The following MFGE8 variants were observed in gnomAD, a reference collection of about 807,000 sequenced individuals.
The protein encoded by MFGE8 is milk fat globule EGF and factor V/VIII domain containing.
MFGE8 carries 34 observed loss-of-function variants against 42.6 expected under a neutral mutation model. The observed-to-expected ratio is 0.80, with a 90% CI of 0.61 to 1.06. The LOEUF is 1.06. Ranked by LOEUF, MFGE8 falls within the 50% of genes least tolerant of loss-of-function variation. The pLI, the probability that MFGE8 is intolerant of heterozygous loss-of-function variation, is 0.00. For synonymous variants in MFGE8, 230 were observed against 214.8 expected, an observed-to-expected ratio of 1.07 and a Z score of -0.62; for missense variants, 510 against 516.9, an observed-to-expected ratio of 0.99 and a Z score of 0.13.
intron 3 of MFGE8, 141 bp downstream of exon 3, chr15:88,907,054 T>TA (rs1898715641): frequency 7.9e-6 from 9 of 1,137,460 alleles, no homozygotes; most frequent in Admixed American, 2.0e-5. Flanking sequence ...GCCATCCACT[T>TA]ACAGATACTT....
chr15:88,912,438 T>C (rs1899008733), intron 1 of MFGE8: 1 of 985,332 alleles, frequency 1.0e-6, no homozygotes, highest in Admixed American at 6.1e-5. Context: ...CTTGCTTCAG[T>C]CAATCCCATT....
intron 6 of MFGE8, among the ~76,000 whole-genome samples, chr15:88,901,073 T>TCA (rs1555460911): frequency 1.1e-4 from 7 of 64,032 alleles, no homozygotes; most frequent in African/African-American, 4.8e-5. Flanking sequence ...ACATACACAT[T>TCA]CACATACACA....
At chr15:88,909,638 C>G (rs1466915911) in intron 2 of MFGE8, among the ~76,000 whole-genome samples, 154 bp downstream of exon 2, 1 of 152,212 alleles carries the variant, frequency 6.6e-6, no homozygotes, top group Non-Finnish European at 1.5e-5. Flanking sequence ...GAGGCTCTGT[C>G]TCTCTCTCTG....
rs543530343 is a variant in MFGE8, at chr15:88,900,690, C to G, written c.870+861G>C. 5 of 984,588 alleles carry G rather than the reference C, an allele frequency of 5.1e-6. No homozygotes were observed. The South Asian group carries it at 2.3e-4, about 46-fold the overall frequency. 61.0% of individuals were successfully genotyped at this position (984,588 alleles called of 1,614,324 possible). On this transcript the variant is annotated intron_variant, in intron 6 of 7. Coordinates refer to ENST00000268150, the MANE Select transcript of MFGE8 (RefSeq NM_005928.4). ...AGCAGGTGGGTACTAGGCAGATCAT[C>G]GTCCTGCCAGCTCTCGGCTTCCTCA...
rs1898711754 is a variant in MFGE8 at position 88,906,971 on chromosome 15, C to A, written c.388-193G>T. ...CCAGGCCTCCAGAGGCCTCATCCAGCACCAACAGCTCCTCCACAGCCTGGG... is the reference window on the plus strand; with the variant it reads ...CCAGGCCTCCAGAGGCCTCATCCAGAACCAACAGCTCCTCCACAGCCTGGG... On this transcript the variant is annotated intron_variant, in intron 3 of 7. Coordinates refer to ENST00000268150, the MANE Select transcript of MFGE8 (RefSeq NM_005928.4). This position sits in a 1 kb window ranked among gnomAD's most constrained non-coding sequence, Gnocchi z 4.2. Among the ~76,000 whole-genome samples the A allele has an allele frequency of 1.3e-5, 2 of 152,312 alleles. No homozygotes were observed. The highest frequency in any genetic ancestry group is 3.9e-4 in the East Asian group (2 of 5,170).
chr15:88,907,398 T>G (rs751413243), intron 2 of MFGE8, 22 bp from the exon 3 acceptor site: 1 of 1,612,930 alleles, frequency 6.2e-7, no homozygotes, highest in Non-Finnish European at 8.5e-7. Flanking sequence ...GAGGTGGCAG[T>G]CAGGTGGCTA....
chr15:88,901,365 T>C (rs142661942), intron 6 of MFGE8, among the ~76,000 whole-genome samples, 186 bp downstream of exon 6: 33 of 151,998 alleles, frequency 2.2e-4, no homozygotes, highest in African/African-American at 7.5e-4. Flanking sequence ...TCCACCTTGG[T>C]GGAAGCAGGA....
intron 6 of MFGE8, 103 bp downstream of exon 6, chr15:88,901,448 T>TG (rs1308790907): frequency 3.4e-6 from 4 of 1,161,150 alleles, no homozygotes; most frequent in Non-Finnish European, 5.0e-6. Context: ...AGAACTCTTT[T>TG]GGGGAGCAGA....
Position 88,913,203 on chromosome 15 carries a change from CGG to C in MFGE8, c.73+42_73+43del, listed in dbSNP as rs1301176234. ...GCGCCGGGCAAACTTCCGAGCGGCG[CGG>C]GGAGGAGGGGCGAGGGGCAGAGGGC... is the stretch of plus-strand genomic sequence containing the variant. On this transcript the variant is annotated intron_variant, in intron 1 of 7. Coordinates refer to ENST00000268150, the MANE Select transcript of MFGE8 (RefSeq NM_005928.4). 9 of 1,483,244 alleles carry C rather than the reference CGG, an allele frequency of 6.1e-6. No individual in the cohort carries two copies. The East Asian group carries it at 2.6e-4, about 42-fold the overall frequency. 91.9% of individuals were successfully genotyped at this position (1,483,244 alleles called of 1,614,324 possible). A position where few individuals can be genotyped will look rare whatever the true frequency, so the allele number is the denominator to read the frequency against.
chr15:88,907,811 C>A (rs904586800), intron 2 of MFGE8, among the ~76,000 whole-genome samples: 14 of 152,108 alleles, frequency 9.2e-5, no homozygotes, highest in African/African-American at 3.1e-4. Flanking sequence ...CGGTGTGACC[C>A]CCTCTTCCTC....
Position 88,905,980 on chromosome 15 carries a change from T to A in MFGE8, c.541-79A>T. On this transcript the variant is annotated intron_variant, in intron 4 of 7. Transcript: ENST00000268150. The surrounding 1 kb of genome is among the most constrained non-coding windows in gnomAD (Gnocchi z 6.6). ...CCCTGGGGTTACCTCATCTTCCTCT[T>A]CAGACCTGGGAGGCAGAGGTGGGGC... The A allele has an allele frequency of 1.3e-6, 2 of 1,548,498 alleles. No homozygotes were observed. The highest frequency in any genetic ancestry group is 2.3e-5 in the East Asian group (1 of 44,440).
chr15:88,908,832 G>T (rs560230470), intron 2 of MFGE8, among the ~76,000 whole-genome samples: 4 of 152,160 alleles, frequency 2.6e-5, no homozygotes, highest in Non-Finnish European at 2.9e-5. Context: ...GAGGTAAAAG[G>T]CATCCTACTC....
At position 88,912,214 on chromosome 15, in the gene MFGE8, C is replaced by T; in HGVS notation, c.73+1033G>A. 6 of 1,289,798 alleles carry T rather than the reference C, an allele frequency of 4.7e-6. No homozygotes were observed. In the South Asian group the frequency reaches 7.4e-5, roughly 16 times the overall value. The allele number at this position is 1,289,798 out of a possible 1,614,324, so 79.9% of individuals were successfully genotyped here. Reference sequence around the variant, plus strand: ...ATCTTTGGGACTTCAGAGTCCTGCTCTTTCGGGGACTTTCCAGTAACATTT... The same window carrying T: ...ATCTTTGGGACTTCAGAGTCCTGCTTTTTCGGGGACTTTCCAGTAACATTT... On this transcript the variant is annotated intron_variant, in intron 1 of 7. Transcript: ENST00000268150.
At chr15:88,904,897 T>G (rs1898595153) in intron 5 of MFGE8, 1 of 153,514 alleles carries the variant, frequency 6.5e-6, no homozygotes. Context: ...CAGCTCTGCT[T>G]AGCGAGCCCT....
intron 1 of MFGE8, chr15:88,913,014 G>A (rs183142572): frequency 5.4e-4 from 529 of 985,330 alleles, no homozygotes; most frequent in Middle Eastern, 1.0e-3. Flanking sequence ...GGGGCGGCAG[G>A]GCTGTCACCC....
Position 88,909,813 on chromosome 15 carries a change from C to T in MFGE8, c.184G>A (p.Ala62Thr), listed in dbSNP as rs772448343. Residue 62 changes from alanine to threonine, a missense_variant, in exon 2 of 8, where the codon GCG (alanine) becomes ACG (threonine). Ala to Thr is a moderately conservative substitution (Grantham distance 58). Coordinates refer to ENST00000268150, the MANE Select transcript of MFGE8 (RefSeq NM_005928.4). Reference protein sequence around the residue: ...SYTCTCLKGYAGNHCETKCVE... With the variant: ...SYTCTCLKGYTGNHCETKCVE... Reference sequence around the variant, plus strand: ...TCACTCGTCTCACAGTGGTTGCCCGCGTAGCCCTTAAGGCACGTGCAGGTG... The same window carrying T: ...TCACTCGTCTCACAGTGGTTGCCCGTGTAGCCCTTAAGGCACGTGCAGGTG... 7 of 1,614,092 alleles carry T rather than the reference C, an allele frequency of 4.3e-6. No homozygotes were observed. The highest frequency in any genetic ancestry group is 5.9e-6 in the Non-Finnish European group (7 of 1,180,030).
chr15:88,912,338 G>C (rs1899003931), intron 1 of MFGE8: 3 of 985,360 alleles, frequency 3.0e-6, no homozygotes, highest in Non-Finnish European at 2.4e-6. Context: ...GAGCTCCCAA[G>C]TTCCTGGGAG....
rs1451711588 is a variant in MFGE8, at chr15:88,901,029, ACACATATT to A, written c.870+514_870+521del. Among the ~76,000 whole-genome samples the A allele has an allele frequency of 2.0e-5, 3 of 151,532 alleles. 1 individual carries two copies. The highest frequency in any genetic ancestry group is 4.4e-5 in the Non-Finnish European group (3 of 67,856). On this transcript the variant is annotated intron_variant, in intron 6 of 7. Coordinates refer to ENST00000268150, the MANE Select transcript of MFGE8 (RefSeq NM_005928.4). ...CACACACACACACACATTCTCACAC[ACACATATT>A]CACACACATTCACACATACACATTC...
At position 88,901,167 on chromosome 15, in the gene MFGE8, ACACATTCT is replaced by A. The variant is rs1245472578; in HGVS notation, c.870+376_870+383del. 3.5e-3 allele frequency among the ~76,000 whole-genome samples: 436 copies of A among 125,464 alleles called. 35 individuals are homozygous for A. The South Asian group carries it at 0.09, about 26-fold the overall frequency. 82.3% of individuals were successfully genotyped at this position (125,464 alleles called of 152,430 possible). On this transcript the variant is annotated intron_variant, in intron 6 of 7. Coordinates refer to ENST00000268150, the MANE Select transcript of MFGE8 (RefSeq NM_005928.4). The stretch of plus-strand genomic sequence containing the variant: ...CACACATTCTCACACACACATTCAC[ACACATTCT>A]CACACATTCACACACACATTCACAC...
Sources: allele counts gnomAD v4.1 joint callset (sites outside exome capture counted in the v4.1 genomes callset), GRCh38; gene constraint gnomAD v4.1.1; non-coding constraint Gnocchi (gnomAD v3.1); transcripts MANE v1.5; gene names NCBI Gene and HGNC (gene_info 2026-07-23, HGNC 2026-07-21).